Variants in RBM26 observed in about 807,000 individuals in gnomAD.
RBM26 encodes RNA binding motif protein 26, also known as RNA-binding protein 26.
Under a neutral mutation model 123.6 loss-of-function variants are expected in RBM26, and 30 were observed. The observed-to-expected ratio is 0.24, with a 90% CI of 0.18 to 0.33. The LOEUF (loss-of-function observed/expected upper bound fraction) is 0.33, where lower values mean the gene tolerates loss of function less well. RBM26 is among the 10% of genes least tolerant of loss of function. RBM26 has a pLI of 1.00. For synonymous variants in RBM26, 400 were observed against 404.4 expected, an observed-to-expected ratio of 0.99 and a Z score of 0.13; for missense variants, 947 against 1,203.6, an observed-to-expected ratio of 0.79 and a Z score of 3.15.
intron 18 of RBM26, 60 bp from the exon 19 acceptor site, chr13:79,337,362 T>TTAC: frequency 1.3e-6 from 2 of 1,573,188 alleles, no homozygotes; most frequent in Non-Finnish European, 1.7e-6. Flanking sequence ...AAGCCAAGCA[T>TTAC]TACACTCTGG....
intron 4 of RBM26, among the ~76,000 whole-genome samples, chr13:79,371,416 T>C (rs915467791): frequency 6.6e-6 from 1 of 152,208 alleles, no homozygotes; most frequent in Non-Finnish European, 1.5e-5. Flanking sequence ...TAAAGGCATC[T>C]GTATATAAGA....
chr13:79,327,479 C>T (rs994346536), intron 20 of RBM26, among the ~76,000 whole-genome samples: 11 of 151,554 alleles, frequency 7.3e-5, no homozygotes, highest in African/African-American at 1.7e-4. Context: ...TAAAGGTAAA[C>T]GATGAAATAA....
At chr13:79,314,707 C>T (rs750837636), downstream of RBM26, 36 of 174,714 alleles carry the variant, frequency 2.1e-4, no homozygotes, top group Admixed American at 1.2e-3. Context: ...AGAACTTTTT[C>T]GTTCCTTCTT....
Position 79,405,758 on chromosome 13 carries a change from A to T in RBM26, c.17T>A (p.Ile6Asn). ...CTTGAGTGCCTCGAAGTTTTCAATG[A>T]TCATTTTAGAAACCATCCACAGCGG... MVSKM[I>N]IENFEALKSW... The change falls in exon 1 of 22, where the codon ATC becomes AAC. Residue 6 changes from isoleucine to asparagine, a missense_variant. By Grantham distance (149) the Ile-to-Asn change is moderately radical (BLOSUM62 -3). Around this residue, in one of 5 missense-constraint regions of RBM26, gnomAD observed 275 missense variants for 361.0 expected, o/e 0.76. Coordinates refer to ENST00000438737, the MANE Select transcript of RBM26 (RefSeq NM_001366735.2). 6.3e-7 allele frequency: 1 copy of T among 1,597,824 alleles called. No homozygotes were observed. The highest frequency in any genetic ancestry group is 8.5e-7 in the Non-Finnish European group (1 of 1,171,612).
intron 3 of RBM26, 122 bp from the exon 4 acceptor site, chr13:79,372,052 G>A (rs916676469): frequency 3.0e-6 from 2 of 666,600 alleles, no homozygotes; most frequent in Non-Finnish European, 5.0e-6. Flanking sequence ...AGGCTGAGGC[G>A]GGTGGTTCAC....
At chr13:79,357,013 G>C (rs1002613248) in intron 11 of RBM26, among the ~76,000 whole-genome samples, 49 of 149,202 alleles carry the variant, frequency 3.3e-4, no homozygotes, top group Non-Finnish European at 4.5e-4. Flanking sequence ...AATAACCACA[G>C]GGTAATGTGT....
intron 3 of RBM26, chr13:79,376,615 G>C (rs1356738466): frequency 6.6e-6 from 1 of 152,214 alleles, no homozygotes; most frequent in East Asian, 1.9e-4. Flanking sequence ...GGGACCTCTT[G>C]AAGTATGAAG....
intron 20 of RBM26, among the ~76,000 whole-genome samples, chr13:79,331,350 G>C (rs1001889923): frequency 2.0e-5 from 3 of 151,860 alleles, no homozygotes; most frequent in Non-Finnish European, 4.4e-5. Context: ...GCCAGGCACA[G>C]TGGCTCATGC....
rs770939536 is a variant in RBM26 at position 79,322,359 on chromosome 13, T to A, written c.2924A>T (p.Asp975Val). Residue 975 changes from aspartate to valine, a missense_variant, in exon 21 of 22, where the codon GAT becomes GTT. Physicochemically the swap from Asp to Val is radical, Grantham distance 152 (BLOSUM62 -3). Around this residue, in one of 5 missense-constraint regions of RBM26, gnomAD observed 164 missense variants for 215.3 expected, o/e 0.76. Transcript: ENST00000438737. The stretch of plus-strand genomic sequence containing the variant: ...AAAAAAATAACATACTTCTTCTTCA[T>A]CAGGCTCAACTTCTTCTGTTTCAAC... ...SAVETEEVEP[D>V]EEEFQEESLV... 1.9e-6 allele frequency: 3 copies of A among 1,565,276 alleles called. No individual in the cohort carries two copies. Among genetic ancestry groups the A allele is most frequent in the African/African-American group, 1.4e-5 (1 of 71,498 alleles).
In RBM26 at chr13:79,371,047, T is replaced by G; in HGVS notation, c.532A>C (p.Ser178Arg). Residue 178 changes from serine (S) to arginine (R), a missense_variant, in exon 5 of 22, where the codon AGT becomes CGT. Ser to Arg is a moderately radical substitution (Grantham distance 110). This residue lies in a region of RBM26 where 275 missense variants were observed against 361.0 expected (regional missense o/e 0.76). Transcript: ENST00000438737. ...CTTCGACTTCGACTCCTGCTATAAC[T>G]GCGACTCCGCCCTCGTCTTCTATTG... Reference protein sequence around the residue: ...RYNRRRGRSRSYSRSRSRSWS... With the variant: ...RYNRRRGRSRRYSRSRSRSWS... 2 of 1,613,832 alleles carry G rather than the reference T, an allele frequency of 1.2e-6. No homozygotes were observed. Among genetic ancestry groups the G allele is most frequent in the Non-Finnish European group, 1.7e-6 (2 of 1,179,686 alleles).
chr13:79,327,686 C>A (rs1255418756), intron 20 of RBM26, among the ~76,000 whole-genome samples: 1 of 151,798 alleles, frequency 6.6e-6, no homozygotes, highest in African/African-American at 2.4e-5. Flanking sequence ...TATTATGGAA[C>A]AAAAGATCTC....
intron 10 of RBM26, among the ~76,000 whole-genome samples, chr13:79,359,338 G>A (rs778812784): frequency 6.6e-6 from 1 of 152,066 alleles, no homozygotes; most frequent in African/African-American, 2.4e-5. Context: ...TTTTGGAGGA[G>A]GGTAAATGAT....
At position 79,379,842 on chromosome 13, in the gene RBM26, T is replaced by C. The variant is rs186567282; in HGVS notation, c.72-935A>G. 2.2e-3 allele frequency among the ~76,000 whole-genome samples: 337 copies of C among 151,906 alleles called. 2 individuals are homozygous for C. The highest frequency in any genetic ancestry group is 7.3e-3 in the African/African-American group (301 of 41,460). On this transcript the variant is annotated intron_variant, in intron 1 of 21. Coordinates refer to ENST00000438737, the MANE Select transcript of RBM26 (RefSeq NM_001366735.2). Reference sequence around the variant, plus strand: ...GAGAAAAAAAGACAAAGGATATGAATAGATGCTAAAACATAAAATAAATAA... The same window carrying C: ...GAGAAAAAAAGACAAAGGATATGAACAGATGCTAAAACATAAAATAAATAA...
downstream of RBM26, among the ~76,000 whole-genome samples, chr13:79,317,214 C>T (rs1004803280): frequency 6.6e-6 from 1 of 151,662 alleles, no homozygotes; most frequent in Admixed American, 6.6e-5. Flanking sequence ...TGTAGGAACA[C>T]TATACACAAA....
At chr13:79,373,422 AAAATATAAATATATATTATATAT>A (rs2076254346) in intron 3 of RBM26, among the ~76,000 whole-genome samples, 1 of 10,110 alleles carries the variant, frequency 9.9e-5, no homozygotes, top group African/African-American at 1.5e-3. Context: ...ATATATAAAT[AAAATATAAATATATATTATATAT>A]TATATATAAA....
At chr13:79,387,803 GC>G (rs1267635491) in intron 1 of RBM26, among the ~76,000 whole-genome samples, 7 of 152,110 alleles carry the variant, frequency 4.6e-5, no homozygotes, top group African/African-American at 1.7e-4. Flanking sequence ...CAAATTTTGA[GC>G]CCTTAGAAGG....
chr13:79,318,073 A>C (rs2067309241), downstream of RBM26, among the ~76,000 whole-genome samples: 1 of 151,550 alleles, frequency 6.6e-6, no homozygotes, highest in Non-Finnish European at 1.5e-5. Context: ...AAGTACTGTA[A>C]CAGAGATATG....
chr13:79,322,859 G>GTTA (rs2067847060), intron 20 of RBM26, among the ~76,000 whole-genome samples: 1 of 151,340 alleles, frequency 6.6e-6, no homozygotes, highest in Admixed American at 6.6e-5. Flanking sequence ...CTGAATCAAT[G>GTTA]TCTAAATTAG....
chr13:79,332,742 T>G (rs9565487), intron 20 of RBM26, among the ~76,000 whole-genome samples: 3 of 152,052 alleles, frequency 2.0e-5, no homozygotes, highest in African/African-American at 7.2e-5. Context: ...ATCCCTGGTA[T>G]TTTTTATTGT....
Sources: allele counts gnomAD v4.1 joint callset (sites outside exome capture counted in the v4.1 genomes callset), GRCh38; gene constraint gnomAD v4.1.1; regional missense constraint gnomAD v4.1.1; transcripts MANE v1.5; gene names NCBI Gene and HGNC (gene_info 2026-07-23, HGNC 2026-07-21).